The following GRM1 variants were observed in gnomAD, a reference collection of about 807,000 sequenced individuals.
The protein encoded by GRM1 is glutamate metabotropic receptor 1.
In GRM1, 33 loss-of-function variants were observed where a neutral mutation model predicts 90.9. That is an observed-to-expected ratio of 0.36 (90% CI 0.28 to 0.49). GRM1 has a LOEUF of 0.49. GRM1 is among the 20% of genes least tolerant of loss of function. GRM1 has a pLI of 0.99. For missense variants in GRM1, 1,190 were observed against 1,534.3 expected (o/e 0.78, Z 3.75); for synonymous variants, 700 against 613.2 (o/e 1.14, Z -2.09).
intron 2 of GRM1, among the ~76,000 whole-genome samples, chr6:146,302,051 C>G (rs1783404222): frequency 6.6e-6 from 1 of 151,930 alleles, no homozygotes; most frequent in Admixed American, 6.6e-5. Flanking sequence ...GCACCCACCC[C>G]CATCGCATGC....
At chr6:146,368,443 T>C (rs1775780422) in intron 5 of GRM1, among the ~76,000 whole-genome samples, 1 of 152,130 alleles carries the variant, frequency 6.6e-6, no homozygotes, top group South Asian at 2.1e-4. Context: ...CAACATTACC[T>C]TATTCCATAT....
intron 6 of GRM1, 132 bp from the exon 7 acceptor site, chr6:146,398,637 T>C: frequency 1.3e-6 from 1 of 767,536 alleles, no homozygotes; most frequent in Non-Finnish European, 2.4e-6. Context: ...ATAGTGTGCA[T>C]TTTTAAAAAA....
intron 5 of GRM1, among the ~76,000 whole-genome samples, chr6:146,381,606 G>T (rs1447280811): frequency 6.6e-6 from 1 of 152,076 alleles, no homozygotes; most frequent in Admixed American, 6.6e-5. Context: ...CTTGATTTTT[G>T]ATTCTCTGTA....
At chr6:146,245,415 C>T (rs186475519) in intron 2 of GRM1, among the ~76,000 whole-genome samples, 64 of 152,144 alleles carry the variant, frequency 4.2e-4, no homozygotes, top group African/African-American at 1.2e-3. Flanking sequence ...AAGGTTTCTA[C>T]GAATAAACAC....
At chr6:146,059,914 T>C (rs1180968555) in intron 1 of GRM1, among the ~76,000 whole-genome samples, 1 of 152,228 alleles carries the variant, frequency 6.6e-6, no homozygotes, top group East Asian at 1.9e-4. Context: ...AGCTCTGCTC[T>C]GGATTAGGCT....
intron 2 of GRM1, among the ~76,000 whole-genome samples, chr6:146,260,841 A>G (rs1269526004): frequency 3.3e-5 from 1 of 29,888 alleles, no homozygotes; most frequent in Non-Finnish European, 6.3e-5. Flanking sequence ...TTTTTTTGCA[A>G]TTGAGGTGTA....
At chr6:146,042,324 G>T (rs901219650) in intron 1 of GRM1, among the ~76,000 whole-genome samples, 3 of 152,152 alleles carry the variant, frequency 2.0e-5, no homozygotes, top group African/African-American at 7.2e-5. Flanking sequence ...CCTTGTTCCT[G>T]AGAAAGGGAG....
intron 7 of GRM1, among the ~76,000 whole-genome samples, chr6:146,422,265 G>A (rs1168507923): frequency 6.6e-6 from 1 of 152,120 alleles, no homozygotes; most frequent in Non-Finnish European, 1.5e-5. Flanking sequence ...AAATAAAAAA[G>A]TCTGGAAGAG....
intron 2 of GRM1, among the ~76,000 whole-genome samples, chr6:146,173,903 G>C (rs963319117): frequency 6.6e-6 from 1 of 151,940 alleles, no homozygotes; most frequent in Non-Finnish European, 1.5e-5. Context: ...TGATCCGCCC[G>C]CCTTCGCTTC....
intron 1 of GRM1, among the ~76,000 whole-genome samples, chr6:146,038,807 G>A (rs1408589397): frequency 6.6e-6 from 1 of 151,400 alleles, no homozygotes; most frequent in African/African-American, 2.4e-5. Context: ...GTTATAAAAG[G>A]TAGAACAAAA....
At chr6:146,366,183 A>C (rs1451769231) in intron 5 of GRM1, among the ~76,000 whole-genome samples, 1 of 152,224 alleles carries the variant, frequency 6.6e-6, no homozygotes, top group African/African-American at 2.4e-5. Context: ...GAATGACTGA[A>C]TAAATATGCT....
At chr6:146,126,369 A>G (rs1376498380) in intron 1 of GRM1, among the ~76,000 whole-genome samples, 1 of 152,126 alleles carries the variant, frequency 6.6e-6, no homozygotes, top group East Asian at 1.9e-4. Context: ...AATTGGATAT[A>G]CTGCTTTTCT....
chr6:146,220,480 T>A (rs866437210), intron 2 of GRM1, among the ~76,000 whole-genome samples: 2 of 152,266 alleles, frequency 1.3e-5, no homozygotes, highest in South Asian at 2.1e-4. Flanking sequence ...TATATCCCAA[T>A]ATTTTGTGTT....
intron 2 of GRM1, among the ~76,000 whole-genome samples, chr6:146,225,550 C>A (rs1193407300): frequency 1.3e-5 from 2 of 152,122 alleles, no homozygotes; most frequent in Non-Finnish European, 2.9e-5. Context: ...TATTTAGAAT[C>A]TATTTCCTTG....
intron 7 of GRM1, among the ~76,000 whole-genome samples, chr6:146,430,640 A>G (rs549293854): frequency 1.1e-3 from 175 of 152,352 alleles, no homozygotes; most frequent in Non-Finnish European, 2.1e-3. Context: ...TTGCATTTTT[A>G]TAATGTATTT....
At chr6:146,413,024 A>G (rs1777625351) in intron 7 of GRM1, among the ~76,000 whole-genome samples, 1 of 152,110 alleles carries the variant, frequency 6.6e-6, no homozygotes, top group Non-Finnish European at 1.5e-5. Context: ...TTATTTCACT[A>G]GTCTGAAGCT....
At chr6:146,311,030 G>A (rs1783753114) in intron 3 of GRM1, among the ~76,000 whole-genome samples, 1 of 152,188 alleles carries the variant, frequency 6.6e-6, no homozygotes, top group African/African-American at 2.4e-5. Flanking sequence ...AATCCATGGA[G>A]CAATAGTTGG....
intron 2 of GRM1, among the ~76,000 whole-genome samples, chr6:146,269,821 C>A (rs1364672027): frequency 3.3e-5 from 5 of 151,834 alleles, no homozygotes; most frequent in African/African-American, 1.2e-4. Context: ...TCCCTGGTGC[C>A]AAAAGTTTGA....
rs568464486 is a variant in GRM1, at chr6:146,328,527, T to C, written c.1186+23681T>C. 1.5e-3 allele frequency among the ~76,000 whole-genome samples: 221 copies of C among 152,330 alleles called. 1 individual carries two copies. Among genetic ancestry groups the C allele is most frequent in the African/African-American group, 4.5e-3 (186 of 41,576 alleles). On this transcript the variant is annotated intron_variant, in intron 3 of 7. Transcript: ENST00000282753. Reference sequence around the variant, plus strand: ...TTAAATAACAAAGTGAAATAAATTATGTGATCCTCCTAAAAACATTAAATA... The same window carrying C: ...TTAAATAACAAAGTGAAATAAATTACGTGATCCTCCTAAAAACATTAAATA...
Sources: allele counts gnomAD v4.1 joint callset (sites outside exome capture counted in the v4.1 genomes callset), GRCh38; gene constraint gnomAD v4.1.1; transcripts MANE v1.5; gene names NCBI Gene and HGNC (gene_info 2026-07-23, HGNC 2026-07-21).